Variants in CACNA1C observed in about 807,000 individuals in gnomAD.
CACNA1C encodes calcium voltage-gated channel subunit alpha1 C.
In CACNA1C, 30 loss-of-function variants were observed where a neutral mutation model predicts 229.0. That is an observed-to-expected ratio of 0.13 (90% CI 0.10 to 0.18). The LOEUF (loss-of-function observed/expected upper bound fraction) is 0.18, where lower values mean the gene tolerates loss of function less well. CACNA1C is among the 10% of genes least tolerant of loss of function. The pLI is 1.00. For missense variants in CACNA1C, 1,658 were observed against 2,845.0 expected (o/e 0.58, Z 9.49); for synonymous variants, 1,114 against 1,132.5 (o/e 0.98, Z 0.33).
chr12:2,246,661 G>A (rs2073394488), intron 3 of CACNA1C, among the ~76,000 whole-genome samples: 1 of 152,172 alleles, frequency 6.6e-6, no homozygotes, highest in Non-Finnish European at 1.5e-5. Flanking sequence ...GGGCTGTGGT[G>A]AGAACCCAGC....
intron 3 of CACNA1C, among the ~76,000 whole-genome samples, chr12:2,216,261 C>T (rs1359080859): frequency 6.6e-6 from 1 of 152,132 alleles, no homozygotes; most frequent in Non-Finnish European, 1.5e-5. Flanking sequence ...ATCTTCTGGC[C>T]CCTCTTATTG....
At chr12:2,437,843 GTGGTGATGA>G (rs1353570419) in intron 3 of CACNA1C, among the ~76,000 whole-genome samples, 7 of 93,852 alleles carry the variant, frequency 7.5e-5, no homozygotes, top group South Asian at 4.2e-4. Flanking sequence ...GGTAATGATG[GTGGTGATGA>G]TGGTGGTGAT....
At chr12:2,087,260 G>C (rs1414665908) in intron 1 of CACNA1C, among the ~76,000 whole-genome samples, 1 of 152,208 alleles carries the variant, frequency 6.6e-6, no homozygotes, top group African/African-American at 2.4e-5. Context: ...GCCATTGCCA[G>C]ATGTGTTCCT....
intron 5 of CACNA1C, among the ~76,000 whole-genome samples, chr12:2,469,514 G>A (rs1352121035): frequency 6.6e-6 from 1 of 152,212 alleles, no homozygotes; most frequent in Admixed American, 6.5e-5. Flanking sequence ...TCTTCCTTCT[G>A]AAGACATGGG....
intron 3 of CACNA1C, among the ~76,000 whole-genome samples, chr12:2,196,871 C>T (rs1375098590): frequency 6.6e-6 from 1 of 152,160 alleles, no homozygotes; most frequent in Non-Finnish European, 1.5e-5. Flanking sequence ...AAAAACTGCT[C>T]CTGGGCTCTT....
chr12:2,543,638 T>G (rs1381206863), intron 9 of CACNA1C, among the ~76,000 whole-genome samples: 1 of 152,232 alleles, frequency 6.6e-6, no homozygotes, highest in Non-Finnish European at 1.5e-5. Context: ...GAGACATTTT[T>G]ATTTCAGAAA....
At chr12:1,996,101 T>G (rs2040727743) in intron 1 of CACNA1C, among the ~76,000 whole-genome samples, 1 of 152,240 alleles carries the variant, frequency 6.6e-6, no homozygotes, top group African/African-American at 2.4e-5. Context: ...ATTTCTATTA[T>G]TCTAATCCCA....
intron 3 of CACNA1C, among the ~76,000 whole-genome samples, chr12:2,247,108 A>G (rs1182838100): frequency 6.6e-6 from 1 of 152,170 alleles, no homozygotes; most frequent in African/African-American, 2.4e-5. Context: ...GCTTCCTTCA[A>G]TTCATTCTGG....
At chr12:2,224,652 G>T (rs779114288) in intron 3 of CACNA1C, among the ~76,000 whole-genome samples, 15 of 152,162 alleles carry the variant, frequency 9.9e-5, no homozygotes, top group Non-Finnish European at 1.9e-4. Flanking sequence ...GGATTTTGGG[G>T]AGTAGCTTAC....
chr12:2,634,649 C>T (rs2092109740), intron 30 of CACNA1C, among the ~76,000 whole-genome samples: 1 of 151,950 alleles, frequency 6.6e-6, no homozygotes, highest in Non-Finnish European at 1.5e-5. Flanking sequence ...TACAATCAGC[C>T]TGGCATGACT....
At chr12:2,284,670 A>G (rs2092321315) in intron 3 of CACNA1C, among the ~76,000 whole-genome samples, 1 of 152,246 alleles carries the variant, frequency 6.6e-6, no homozygotes. Context: ...GTAATTTACC[A>G]TAATTCCGGC....
chr12:2,655,412 C>T (rs1444839441), intron 34 of CACNA1C, among the ~76,000 whole-genome samples, 174 bp downstream of exon 34: 1 of 152,190 alleles, frequency 6.6e-6, no homozygotes, highest in East Asian at 1.9e-4. Context: ...TTTATGATAA[C>T]TTTCCACAGA....
At chr12:2,198,895 T>A (rs1218948349) in intron 3 of CACNA1C, among the ~76,000 whole-genome samples, 1 of 152,220 alleles carries the variant, frequency 6.6e-6, no homozygotes, top group African/African-American at 2.4e-5. Context: ...TCATATGTTA[T>A]GGTTTATTAT....
At chr12:2,686,142 G>C (rs753154148) in intron 44 of CACNA1C, 24 bp from the exon 45 acceptor site, 32 of 1,590,702 alleles carry the variant, frequency 2.0e-5, no homozygotes, top group Admixed American at 3.3e-5. Flanking sequence ...TGCCCTGATG[G>C]TGGCTCTCTG....
rs978187258 is a variant in CACNA1C, at chr12:2,054,111, C to G, written c.49+500C>G. On this transcript the variant is annotated intron_variant, in intron 1 of 46. Coordinates refer to ENST00000399655, the MANE Select transcript of CACNA1C (RefSeq NM_000719.7). This position sits in a 1 kb window ranked among gnomAD's most constrained non-coding sequence, Gnocchi z 5.5. The stretch of plus-strand genomic sequence containing the variant: ...GCCCCTGGGGCGCCCTCGCGCTGCC[C>G]GGCGTCCACTCTCGTCCAGGCGCCC... 5.3e-5 allele frequency among the ~76,000 whole-genome samples: 8 copies of G among 150,442 alleles called. No individual in the cohort carries two copies. The highest frequency in any genetic ancestry group is 1.2e-4 in the Non-Finnish European group (8 of 67,540).
At chr12:2,368,146 A>T (rs1191604717) in intron 3 of CACNA1C, among the ~76,000 whole-genome samples, 1 of 148,768 alleles carries the variant, frequency 6.7e-6, no homozygotes, top group African/African-American at 2.5e-5. Context: ...AACTCTTAAA[A>T]TACTAGGAAT....
Position 2,069,570 on chromosome 12 carries a change from G to C in CACNA1C, c.49+15959G>C, listed in dbSNP as rs930825740. Among the ~76,000 whole-genome samples the C allele has an allele frequency of 1.6e-4, 25 of 152,194 alleles. 1 individual carries two copies. On this transcript the variant is annotated intron_variant, in intron 1 of 46. Transcript: ENST00000399655. ...TCTGGGAGCAGGAATTTATGTTTTAGATGTATTGTTATCTGTCACATTGGC... is the reference window on the plus strand; with the variant it reads ...TCTGGGAGCAGGAATTTATGTTTTACATGTATTGTTATCTGTCACATTGGC...
intron 3 of CACNA1C, among the ~76,000 whole-genome samples, chr12:2,439,651 C>G (rs1377827015): frequency 1.3e-5 from 2 of 151,842 alleles, no homozygotes; most frequent in Non-Finnish European, 2.9e-5. Flanking sequence ...AACTGATAGG[C>G]AACTAAGCCA....
rs540336880 is a variant in CACNA1C, at chr12:2,545,608, A to G, written c.1391-4335A>G. On this transcript the variant is annotated intron_variant, in intron 9 of 46. Coordinates refer to ENST00000399655, the MANE Select transcript of CACNA1C (RefSeq NM_000719.7). ...ATAGTCTAAAATAAACATAAAATAA[A>G]TAGCAAGTAATACATCATTAACAAA... Among the ~76,000 whole-genome samples, 27 of 152,356 alleles carry G rather than the reference A, an allele frequency of 1.8e-4. 1 individual carries two copies. In the East Asian group the frequency reaches 5.0e-3, roughly 28 times the overall value.
Sources: allele counts gnomAD v4.1 joint callset (sites outside exome capture counted in the v4.1 genomes callset), GRCh38; gene constraint gnomAD v4.1.1; non-coding constraint Gnocchi (gnomAD v3.1); transcripts MANE v1.5; gene names NCBI Gene and HGNC (gene_info 2026-07-23, HGNC 2026-07-21).